PAN3: variants seen among roughly 807,000 people sequenced by gnomAD.
PAN3 encodes the protein poly(A) specific ribonuclease subunit PAN3, also known as PAN2-PAN3 deadenylation complex subunit PAN3.
Under a neutral mutation model 96.2 loss-of-function variants are expected in PAN3, and 19 were observed. The ratio of observed to expected loss-of-function variants is 0.20; its 90% CI spans 0.14 to 0.29. PAN3 has a LOEUF of 0.29. Among genes scored for constraint, PAN3 ranks in the 10% least tolerant of loss-of-function variants. PAN3 has a pLI of 1.00. For missense variants in PAN3, 882 were observed against 1,108.1 expected (o/e 0.80, Z 2.90); for synonymous variants, 433 against 406.6 (o/e 1.06, Z -0.78).
In PAN3 at chr13:28,251,701, G is replaced by A. The variant is rs191394074; in HGVS notation, c.1001-4591G>A. Reference sequence around the variant, plus strand: ...TTCCAGAGTCCTGGTTTTACACAGCGGTTTTAGTTTCATTTTCTGTATTCT... The same window carrying A: ...TTCCAGAGTCCTGGTTTTACACAGCAGTTTTAGTTTCATTTTCTGTATTCT... On this transcript the variant is annotated intron_variant, in intron 6 of 18. Transcript: ENST00000380958. 4.4e-3 allele frequency among the ~76,000 whole-genome samples: 672 copies of A among 152,222 alleles called. 9 individuals are homozygous for A. The highest frequency in any genetic ancestry group is 0.015 in the African/African-American group (636 of 41,526).
At chr13:28,212,952 A>G (rs1315977340) in intron 5 of PAN3, among the ~76,000 whole-genome samples, 2 of 152,194 alleles carry the variant, frequency 1.3e-5, no homozygotes, top group African/African-American at 4.8e-5. Context: ...CCACAGACTC[A>G]AGGTGTCCAG....
Position 28,256,550 on chromosome 13 carries a change from A to G in PAN3, c.1248+11A>G, listed in dbSNP as rs1355616137. The stretch of plus-strand genomic sequence containing the variant: ...CCTTTGACTGGAATGGTATGTCTAC[A>G]TTAAAGAGGAAATTTTAGTACTCTC... On this transcript the variant is annotated intron_variant, in intron 7 of 18. Transcript: ENST00000380958. 1 of 1,602,408 alleles carries G rather than the reference A, an allele frequency of 6.2e-7. No homozygotes were observed. The highest frequency in any genetic ancestry group is 8.5e-7 in the Non-Finnish European group (1 of 1,174,458).
intron 1 of PAN3, among the ~76,000 whole-genome samples, chr13:28,163,856 G>C (rs1873197141): frequency 6.6e-6 from 1 of 152,144 alleles, no homozygotes; most frequent in Non-Finnish European, 1.5e-5. Flanking sequence ...AAGGTATTCA[G>C]TTTTTTCCCT....
chr13:28,156,992 CAAAAAAAAAAAAA>C (rs35448291), intron 1 of PAN3, among the ~76,000 whole-genome samples: 78 of 18,452 alleles, frequency 4.2e-3, no homozygotes, highest in African/African-American at 1.0e-2. Context: ...GAGACCCTGT[CAAAAAAAAAAAAA>C]AAAAAAAAAA....
chr13:28,194,395 T>C (rs1287587375), intron 4 of PAN3, among the ~76,000 whole-genome samples: 1 of 149,752 alleles, frequency 6.7e-6, no homozygotes, highest in Non-Finnish European at 1.5e-5. Context: ...TAAATTTACA[T>C]ATATGTGTGT....
At chr13:28,144,983 G>A (rs570490695) in intron 1 of PAN3, among the ~76,000 whole-genome samples, 1 of 152,030 alleles carries the variant, frequency 6.6e-6, no homozygotes, top group African/African-American at 2.4e-5. Flanking sequence ...CTCCGAAAGC[G>A]CTGGGACTAC....
intron 17 of PAN3, among the ~76,000 whole-genome samples, chr13:28,284,864 TA>T (rs571934101): frequency 4.0e-5 from 6 of 151,562 alleles, no homozygotes; most frequent in Admixed American, 2.0e-4. Context: ...CTTCTTTAGT[TA>T]AAAAAAAATC....
intron 9 of PAN3, among the ~76,000 whole-genome samples, chr13:28,261,921 T>C (rs1242863629): frequency 1.3e-5 from 2 of 152,018 alleles, no homozygotes; most frequent in African/African-American, 2.4e-5. Context: ...GTATTCTAGT[T>C]CACAAAAAAA....
At chr13:28,239,137 A>ACCCCCC (rs1339308407) in intron 6 of PAN3, among the ~76,000 whole-genome samples, 2 of 46,282 alleles carry the variant, frequency 4.3e-5, no homozygotes, top group Admixed American at 2.8e-4. Context: ...TTTTAATCCC[A>ACCCCCC]CCCCCCCCAC....
intron 5 of PAN3, among the ~76,000 whole-genome samples, chr13:28,214,134 T>C (rs1186549940): frequency 6.6e-6 from 1 of 152,172 alleles, no homozygotes; most frequent in Non-Finnish European, 1.5e-5. Flanking sequence ...GAAAACAGTT[T>C]ACTAACTTAA....
At chr13:28,289,685 T>G (rs1869477362) in intron 18 of PAN3, among the ~76,000 whole-genome samples, 1 of 152,052 alleles carries the variant, frequency 6.6e-6, no homozygotes, top group Non-Finnish European at 1.5e-5. Context: ...ATCGAGACCA[T>G]CCTGGCTAAC....
intron 1 of PAN3, among the ~76,000 whole-genome samples, chr13:28,140,966 C>T (rs903325409): frequency 7.3e-5 from 11 of 150,376 alleles, no homozygotes; most frequent in Non-Finnish European, 1.5e-4. Flanking sequence ...TAACCAATGA[C>T]ACTGAACAAT....
intron 4 of PAN3, among the ~76,000 whole-genome samples, chr13:28,180,766 A>G (rs1261889966): frequency 1.3e-5 from 2 of 152,128 alleles, no homozygotes; most frequent in African/African-American, 4.8e-5. Context: ...CTGTGGGATT[A>G]TGTGATTTAC....
At chr13:28,200,788 C>T (rs1878599144) in intron 5 of PAN3, among the ~76,000 whole-genome samples, 1 of 152,140 alleles carries the variant, frequency 6.6e-6, no homozygotes, top group Non-Finnish European at 1.5e-5. Context: ...TGATAAGACC[C>T]ATCTGATCTC....
chr13:28,281,451 C>A, intron 17 of PAN3, 72 bp downstream of exon 17: 1 of 1,323,286 alleles, frequency 7.6e-7, no homozygotes. Context: ...AATAAGTATG[C>A]CTGGCTTTAT....
chr13:28,291,816 C>T (rs555932308), intron 18 of PAN3, among the ~76,000 whole-genome samples: 7 of 151,912 alleles, frequency 4.6e-5, no homozygotes, highest in Non-Finnish European at 5.9e-5. Context: ...GGGCAACGAG[C>T]GAAACTCCAT....
At chr13:28,246,433 G>C (rs576587467) in intron 6 of PAN3, among the ~76,000 whole-genome samples, 23 of 152,022 alleles carry the variant, frequency 1.5e-4, no homozygotes, top group Non-Finnish European at 2.8e-4. Context: ...CATTTGTGTT[G>C]GGAATATTTC....
At chr13:28,221,174 A>G (rs1160108077) in intron 6 of PAN3, among the ~76,000 whole-genome samples, 1 of 152,168 alleles carries the variant, frequency 6.6e-6, no homozygotes, top group Non-Finnish European at 1.5e-5. Flanking sequence ...AACATCACTT[A>G]TCCCCACTGC....
intron 17 of PAN3, among the ~76,000 whole-genome samples, chr13:28,284,864 TAAAA>T (rs571934101): frequency 2.1e-4 from 32 of 151,688 alleles, no homozygotes; most frequent in Admixed American, 9.8e-4. Context: ...CTTCTTTAGT[TAAAA>T]AAAAATCAAT....
Sources: gnomAD v4.1 joint callset for allele counts (sites outside exome capture counted in the v4.1 genomes callset) on GRCh38, gnomAD v4.1.1 for gene constraint, MANE v1.5 for transcripts, NCBI Gene and HGNC (gene_info 2026-07-23, HGNC 2026-07-21) for gene names.